Variants in LRRC37A observed in about 807,000 individuals in gnomAD.
LRRC37A encodes leucine rich repeat containing 37A.
Under a neutral mutation model 35.4 loss-of-function variants are expected in LRRC37A, and 3 were observed. The observed-to-expected ratio is 0.08, with a 90% CI of 0.04 to 0.22. The LOEUF (loss-of-function observed/expected upper bound fraction) is 0.22. LRRC37A is among the 10% of genes least tolerant of loss of function. The probability of loss-of-function intolerance (pLI) is 1.00; values close to 1 mark genes in which losing one functional copy is unlikely to be tolerated. For missense variants in LRRC37A, 67 were observed against 565.3 expected (o/e 0.12, Z 8.94); for synonymous variants, 23 against 215.0 (o/e 0.11, Z 7.81).
intron 5 of LRRC37A, among the ~76,000 whole-genome samples, chr17:46,319,253 A>AT (rs1369749031): frequency 6.5e-4 from 2 of 3,072 alleles, no homozygotes; most frequent in Admixed American, 3.4e-3. Context: ...TTTTTTTGCT[A>AT]TTTTTTTTGG....
At chr17:46,260,069 T>A in the LRRC37A span, 15 of 1,600,566 alleles carry the variant, frequency 9.4e-6, no homozygotes, top group Non-Finnish European at 1.2e-5. Context: ...AGCAGAGCGA[T>A]CTGCCCGGGC....
At chr17:46,280,525 T>C in the LRRC37A span, among the ~76,000 whole-genome samples, 1 of 151,636 alleles carries the variant, frequency 6.6e-6, no homozygotes, top group Non-Finnish European at 1.5e-5. Context: ...AAAATATATA[T>C]TATTAAAAAG....
chr17:46,256,187 C>G, the LRRC37A span, among the ~76,000 whole-genome samples: 4 of 152,012 alleles, frequency 2.6e-5, no homozygotes, highest in African/African-American at 9.7e-5. Flanking sequence ...GCGTTTGAGA[C>G]CAGCCTGGGC....
chr17:46,287,115 CCT>C, the LRRC37A span, among the ~76,000 whole-genome samples: 1 of 151,620 alleles, frequency 6.6e-6, no homozygotes, highest in Non-Finnish European at 1.5e-5. Flanking sequence ...CCATTCTACC[CCT>C]GGCAAACTCC....
chr17:46,272,837 A>G, the LRRC37A span, among the ~76,000 whole-genome samples: 18,485 of 152,282 alleles, frequency 0.12, no homozygotes, highest in Non-Finnish European at 0.18. Context: ...ATACCATTAA[A>G]TACACATGAA....
the LRRC37A span, among the ~76,000 whole-genome samples, chr17:46,261,504 T>C: frequency 6.6e-6 from 1 of 151,998 alleles, no homozygotes; most frequent in Non-Finnish European, 1.5e-5. Flanking sequence ...ATCCACCTCC[T>C]GCGTTCAAGT....
the LRRC37A span, chr17:46,260,209 C>T: frequency 2.0e-6 from 3 of 1,533,036 alleles, no homozygotes; most frequent in East Asian, 2.5e-5. Context: ...GCTCAGCTCA[C>T]ACTTCCCGGT....
At chr17:46,292,463 G>A (rs540166002), upstream of LRRC37A, among the ~76,000 whole-genome samples, 123 of 81,084 alleles carry the variant, frequency 1.5e-3, 38 homozygotes, top group African/African-American at 3.7e-3. Flanking sequence ...GTGAAACTCT[G>A]AAACTGCTTT....
the LRRC37A span, among the ~76,000 whole-genome samples, chr17:46,255,838 G>A: frequency 2.0e-5 from 3 of 151,908 alleles, no homozygotes; most frequent in Admixed American, 6.6e-5. Flanking sequence ...ACCACGCCTG[G>A]CTAATTTTTT....
chr17:46,256,632 G>A, the LRRC37A span, among the ~76,000 whole-genome samples: 2 of 152,142 alleles, frequency 1.3e-5, no homozygotes, highest in Non-Finnish European at 2.9e-5. Flanking sequence ...AACCATCACC[G>A]AACTAGCCTC....
the LRRC37A span, chr17:46,266,893 C>G: frequency 6.2e-6 from 2 of 323,918 alleles, no homozygotes; most frequent in Non-Finnish European, 1.1e-5. Flanking sequence ...CCCCGAGACG[C>G]GCGCGCTCAC....
the LRRC37A span, among the ~76,000 whole-genome samples, chr17:46,257,476 A>G: frequency 5.7e-5 from 8 of 139,164 alleles, no homozygotes; most frequent in African/African-American, 2.1e-4. Context: ...AAAAAAAAGT[A>G]ACACTTTGAA....
chr17:46,282,081 T>C, the LRRC37A span, among the ~76,000 whole-genome samples: 2 of 152,200 alleles, frequency 1.3e-5, no homozygotes, highest in Admixed American at 1.3e-4. Context: ...TTAGCTGGGC[T>C]TGTCCTTCAG....
chr17:46,267,434 A>AC, the LRRC37A span: 6 of 1,611,510 alleles, frequency 3.7e-6, no homozygotes, highest in African/African-American at 8.0e-5. Flanking sequence ...TACCTCACTC[A>AC]CCCCCGACGT....
chr17:46,285,304 G>T, the LRRC37A span, among the ~76,000 whole-genome samples: 39,714 of 142,764 alleles, frequency 0.28, 6,773 homozygotes, highest in East Asian at 0.69. Flanking sequence ...GCCATGGCTC[G>T]ATCTTGGCTC....
At chr17:46,286,129 A>G in the LRRC37A span, among the ~76,000 whole-genome samples, 1 of 152,274 alleles carries the variant, frequency 6.6e-6, no homozygotes, top group Admixed American at 6.5e-5. Flanking sequence ...TTCAAAACAG[A>G]TGGGATGATG....
chr17:46,272,192 T>C, the LRRC37A span, among the ~76,000 whole-genome samples: 1 of 152,266 alleles, frequency 6.6e-6, no homozygotes, highest in Non-Finnish European at 1.5e-5. Flanking sequence ...TTGAAAATAC[T>C]TTTAGCCAAG....
the LRRC37A span, among the ~76,000 whole-genome samples, chr17:46,275,740 GGT>G: frequency 2.0e-5 from 3 of 152,280 alleles, no homozygotes; most frequent in Non-Finnish European, 4.4e-5. Flanking sequence ...TGTGGTGAAA[GGT>G]GCGTGTGTGT....
chr17:46,265,402 C>T, the LRRC37A span, among the ~76,000 whole-genome samples: 1 of 151,124 alleles, frequency 6.6e-6, no homozygotes, highest in Non-Finnish European at 1.5e-5. Flanking sequence ...TCTCCTCCTC[C>T]TTCCTCCTCC....
Sources: allele counts gnomAD v4.1 joint callset (sites outside exome capture counted in the v4.1 genomes callset), GRCh38; gene constraint gnomAD v4.1.1; transcripts MANE v1.5; gene names NCBI Gene and HGNC (gene_info 2026-07-23, HGNC 2026-07-21).